Variants in CNOT10 observed in about 807,000 individuals in gnomAD.
CNOT10 encodes CCR4-NOT transcription complex subunit 10.
A neutral mutation model predicts 94.6 loss-of-function variants in CNOT10; 30 were observed. That is an observed-to-expected ratio of 0.32 (90% CI 0.24 to 0.43). The LOEUF is 0.43. Ranked by LOEUF, CNOT10 falls within the 20% of genes least tolerant of loss-of-function variation. CNOT10 has a pLI of 1.00. For missense variants in CNOT10, 759 were observed against 877.2 expected (o/e 0.87, Z 1.70); for synonymous variants, 289 against 301.6 (o/e 0.96, Z 0.43).
intron 1 of CNOT10, among the ~76,000 whole-genome samples, chr3:32,690,298 G>T (rs1696793679): frequency 6.6e-6 from 1 of 152,168 alleles, no homozygotes; most frequent in Admixed American, 6.5e-5. Flanking sequence ...TTTCCTGCGT[G>T]TAGAATGAGA....
chr3:32,716,015 C>G, intron 5 of CNOT10: 1 of 397,288 alleles, frequency 2.5e-6, no homozygotes, highest in Non-Finnish European at 4.5e-6. Flanking sequence ...CCATGTTACT[C>G]AAGCTGGTCT....
intron 13 of CNOT10, among the ~76,000 whole-genome samples, chr3:32,744,036 A>G (rs114049936): frequency 0.028 from 4,247 of 152,240 alleles, 98 homozygotes; most frequent in Non-Finnish European, 0.044. Context: ...AAGGACTGCT[A>G]TGCCAGACAG....
At chr3:32,704,318 C>A (rs1267834067) in intron 2 of CNOT10, among the ~76,000 whole-genome samples, 1 of 152,070 alleles carries the variant, frequency 6.6e-6, no homozygotes, top group East Asian at 1.9e-4. Flanking sequence ...AAATTATTTT[C>A]TTGAAGGTAC....
At chr3:32,685,883 C>A (rs1010137962) in intron 1 of CNOT10, among the ~76,000 whole-genome samples, 20 of 152,152 alleles carry the variant, frequency 1.3e-4, no homozygotes, top group Non-Finnish European at 4.4e-5. Context: ...GCTGTTTTGA[C>A]CACATGTGGC....
intron 14 of CNOT10, among the ~76,000 whole-genome samples, chr3:32,760,422 G>A (rs967030350): frequency 1.8e-4 from 27 of 151,142 alleles, no homozygotes; most frequent in African/African-American, 6.6e-4. Context: ...ATTTGAGGTC[G>A]GGAGTCTGAG....
chr3:32,702,935 G>C (rs1223570824), intron 1 of CNOT10, among the ~76,000 whole-genome samples: 1 of 148,324 alleles, frequency 6.7e-6, no homozygotes, highest in Admixed American at 6.7e-5. Context: ...TTTTTGAGAC[G>C]GAGTCCTACT....
intron 3 of CNOT10, among the ~76,000 whole-genome samples, chr3:32,705,583 T>G (rs1697584044): frequency 6.6e-6 from 1 of 152,164 alleles, no homozygotes; most frequent in South Asian, 2.1e-4. Context: ...CCCTATGAAA[T>G]AGCTATATAA....
intron 13 of CNOT10, among the ~76,000 whole-genome samples, chr3:32,755,973 A>G (rs1700211992): frequency 6.6e-6 from 1 of 151,868 alleles, no homozygotes; most frequent in African/African-American, 2.4e-5. Flanking sequence ...TTGGACAGTG[A>G]CTCGAGGAAG....
intron 8 of CNOT10, among the ~76,000 whole-genome samples, chr3:32,724,721 G>T (rs1364437415): frequency 6.6e-6 from 1 of 151,530 alleles, no homozygotes; most frequent in African/African-American, 2.4e-5. Flanking sequence ...CCAATGCCTG[G>T]CTAATTTTTG....
chr3:32,734,777 T>C (rs753553935), intron 11 of CNOT10, 23 bp from the exon 12 acceptor site: 1 of 1,538,694 alleles, frequency 6.5e-7, no homozygotes, highest in South Asian at 1.3e-5. Flanking sequence ...TCCACTTAGC[T>C]AATTTGGTTT....
chr3:32,708,875 C>T, intron 4 of CNOT10, 55 bp downstream of exon 4: 1 of 1,442,830 alleles, frequency 6.9e-7, no homozygotes, highest in Non-Finnish European at 9.4e-7. Flanking sequence ...TTGCAGAATT[C>T]TCTGGTACTT....
In CNOT10 at chr3:32,685,477, C is replaced by T. The variant is rs761881240; in HGVS notation, c.17C>T (p.Pro6Leu). 12 of 1,550,458 alleles carry T rather than the reference C, an allele frequency of 7.7e-6. No homozygotes were observed. The highest frequency in any genetic ancestry group is 1.2e-5 in the South Asian group (1 of 84,038). The part of the protein sequence containing the change: MAADK[P>L]ADQGAEKHEG... ...AGCGGGAAGATGGCTGCAGACAAGC[C>T]TGCAGGTAGGGCGCCAATGTCCCGA... The change falls in exon 1 of 19, where the codon CCT becomes CTT. Residue 6 changes from proline to leucine, a missense_variant. Pro to Leu is a moderately conservative substitution (Grantham distance 98). Transcript: ENST00000328834.
chr3:32,773,403 G>A, intron 18 of CNOT10, 54 bp from the exon 19 acceptor site: 1 of 1,531,168 alleles, frequency 6.5e-7, no homozygotes, highest in East Asian at 2.4e-5. Context: ...GTCTTGCTTT[G>A]TGTGTGGCAG....
chr3:32,725,362 T>G, intron 8 of CNOT10, 88 bp from the exon 9 acceptor site: 1 of 961,736 alleles, frequency 1.0e-6, no homozygotes, highest in Non-Finnish European at 1.7e-6. Flanking sequence ...GTAACAGTGT[T>G]AACTCGTGCA....
intron 4 of CNOT10, 76 bp from the exon 5 acceptor site, chr3:32,713,151 T>G: frequency 8.2e-7 from 1 of 1,212,420 alleles, no homozygotes. Flanking sequence ...CTTTGTATAC[T>G]TTTTTGGAGG....
At chr3:32,737,023 A>G (rs1699217705) in intron 12 of CNOT10, among the ~76,000 whole-genome samples, 1 of 152,194 alleles carries the variant, frequency 6.6e-6, no homozygotes, top group Admixed American at 6.6e-5. Context: ...GTAAAAAGTT[A>G]CATGGGAGGC....
rs116979807 is a variant in CNOT10, at chr3:32,714,702, C to G, written c.573+1333C>G. Among the ~76,000 whole-genome samples, 9 of 152,262 alleles carry G rather than the reference C, an allele frequency of 5.9e-5. No homozygotes were observed. The East Asian group carries it at 1.7e-3, about 29-fold the overall frequency. ...CCAGCCTGGGAGACAGAGCAAGACT[C>G]AAACTCAAAAATAAAAAAGCATACA... On this transcript the variant is annotated intron_variant, in intron 5 of 18. Transcript: ENST00000328834.
At position 32,715,874 on chromosome 3, in the gene CNOT10, C is replaced by T. The variant is rs576631486; in HGVS notation, c.574-351C>T. The T allele has an allele frequency of 6.6e-5, 11 of 166,970 alleles. No individual in the cohort carries two copies. The East Asian group carries it at 1.4e-3, about 21-fold the overall frequency. The allele number at this position is 166,970 out of a possible 1,614,324, so 10.3% of individuals were successfully genotyped here. A position where few individuals can be genotyped will look rare whatever the true frequency, so the allele number is the denominator to read the frequency against. ...CTGGAGTATAGTAGTAGCACAATCA[C>T]GCCTCACTGCAGCCTTGATCTCCTG... is the stretch of plus-strand genomic sequence containing the variant. On this transcript the variant is annotated intron_variant, in intron 5 of 18. Transcript: ENST00000328834.
chr3:32,746,109 A>G (rs1419708004), intron 13 of CNOT10, among the ~76,000 whole-genome samples: 2 of 152,252 alleles, frequency 1.3e-5, no homozygotes, highest in Non-Finnish European at 2.9e-5. Flanking sequence ...TACCATTTAT[A>G]TGACAAACAA....
Sources: allele counts gnomAD v4.1 joint callset (sites outside exome capture counted in the v4.1 genomes callset), GRCh38; gene constraint gnomAD v4.1.1; transcripts MANE v1.5; gene names NCBI Gene and HGNC (gene_info 2026-07-23, HGNC 2026-07-21).